PDE6B: variants seen among roughly 807,000 people sequenced by gnomAD.
The protein encoded by PDE6B is phosphodiesterase 6B, also known as rod cGMP-specific 3',5'-cyclic phosphodiesterase subunit beta.
A neutral mutation model predicts 109.0 loss-of-function variants in PDE6B; 106 were observed. That is an observed-to-expected ratio of 0.97 (90% CI 0.83 to 1.14). The LOEUF is 1.14. Ranked by LOEUF, PDE6B falls within the 50% of genes most tolerant of loss-of-function variation. PDE6B has a pLI of 0.00. For synonymous variants in PDE6B, 490 were observed against 471.3 expected (o/e 1.04, Z -0.51); for missense variants, 1,193 against 1,155.6 (o/e 1.03, Z -0.47).
At chr4:664,795 G>C in intron 17 of PDE6B, 86 bp from the exon 18 acceptor site, 2 of 1,024,248 alleles carry the variant, frequency 2.0e-6, no homozygotes, top group Non-Finnish European at 3.1e-6. Flanking sequence ...AACAGAGCAA[G>C]ACTCCATCTC....
rs1737594937 is a variant in PDE6B at position 664,819 on chromosome 4, C to T, written c.2130-62C>T. 1.0e-5 allele frequency: 13 copies of T among 1,290,050 alleles called. No homozygotes were observed. In the South Asian group the frequency reaches 1.1e-4, roughly 11 times the overall value. 79.9% of individuals were successfully genotyped at this position (1,290,050 alleles called of 1,614,324 possible). ...AGACTCCATCTCAAAAAAGAAAACA[C>T]ATATAAACCACCTGCCCTCAGGAGA... On this transcript the variant is annotated intron_variant, in intron 17 of 21. Coordinates refer to ENST00000496514, the MANE Select transcript of PDE6B (RefSeq NM_000283.4).
chr4:636,885 C>T lies in PDE6B; in HGVS notation c.711+916C>T, dbSNP rs1203121078. 6.6e-6 allele frequency among the ~76,000 whole-genome samples: 1 copy of T among 152,192 alleles called. No individual in the cohort carries two copies. Among genetic ancestry groups the T allele is most frequent in the Non-Finnish European group, 1.5e-5 (1 of 68,040 alleles). On this transcript the variant is annotated intron_variant, in intron 3 of 21. Transcript: ENST00000496514. The surrounding 1 kb of genome is among the most constrained non-coding windows in gnomAD (Gnocchi z 4.5). ...CATCCAGCCATCCAGCCAGTGGACA[C>T]CTGTGAGAAAACCCCCCGGAGGGAA... is the stretch of plus-strand genomic sequence containing the variant.
intron 21 of PDE6B, among the ~76,000 whole-genome samples, chr4:668,789 C>T (rs1738125397): frequency 1.5e-5 from 1 of 66,090 alleles, no homozygotes; most frequent in African/African-American, 8.1e-5. Flanking sequence ...CTCCCACTAC[C>T]CCACGCTATT....
In PDE6B at chr4:636,842, C is replaced by T. The variant is rs1734707892; in HGVS notation, c.711+873C>T. Among the ~76,000 whole-genome samples, 1 of 152,336 alleles carries T rather than the reference C, an allele frequency of 6.6e-6. No homozygotes were observed. The highest frequency in any genetic ancestry group is 2.4e-5 in the African/African-American group (1 of 41,586). On this transcript the variant is annotated intron_variant, in intron 3 of 21. Coordinates refer to ENST00000496514, the MANE Select transcript of PDE6B (RefSeq NM_000283.4). The surrounding 1 kb of genome is among the most constrained non-coding windows in gnomAD (Gnocchi z 4.5). ...CTGCCTCAGGGGCAGTCTGGAAAGG[C>T]GGTCAGGGCCCCTGGGGCATCCAGC... is the stretch of plus-strand genomic sequence containing the variant.
At position 662,134 on chromosome 4, in the gene PDE6B, G is replaced by C; in HGVS notation, c.1615G>C (p.Val539Leu). 2.6e-6 allele frequency: 4 copies of C among 1,524,526 alleles called. No individual in the cohort carries two copies. Among genetic ancestry groups the C allele is most frequent in the Non-Finnish European group, 2.7e-6 (3 of 1,118,948 alleles). 94.4% of individuals were successfully genotyped at this position (1,524,526 alleles called of 1,614,324 possible). Residue 539 changes from valine (V) to leucine (L), a missense_variant and splice_region_variant, in exon 13 of 22, where the codon GTC becomes CTC. Val to Leu is a conservative substitution (Grantham distance 32, BLOSUM62 1). Coordinates refer to ENST00000496514, the MANE Select transcript of PDE6B (RefSeq NM_000283.4). This position sits in a 1 kb window ranked among gnomAD's most constrained non-coding sequence, Gnocchi z 4.3. ...CCCTGTGTCCTCTCGGCTCCCCCAGGTCCTGGTGCGGTTCCTGTTCTCCAT... is the reference window on the plus strand; with the variant it reads ...CCCTGTGTCCTCTCGGCTCCCCCAGCTCCTGGTGCGGTTCCTGTTCTCCAT... ...VVRKFQIPQE[V>L]LVRFLFSISK...
chr4:641,724 G>A (rs1734955345), intron 3 of PDE6B, among the ~76,000 whole-genome samples: 1 of 152,184 alleles, frequency 6.6e-6, no homozygotes, highest in Non-Finnish European at 1.5e-5. Flanking sequence ...TCAGCTCACT[G>A]CAACCTCCAC....
At chr4:645,462 A>AT (rs1317959018) in intron 3 of PDE6B, among the ~76,000 whole-genome samples, 35 of 150,992 alleles carry the variant, frequency 2.3e-4, no homozygotes, top group Non-Finnish European at 4.4e-5. Flanking sequence ...CGCCCGGCTA[A>AT]TTTTTTGTAT....
In PDE6B at chr4:625,658, T is replaced by G; in HGVS notation, c.32T>G (p.Phe11Cys). The G allele has an allele frequency of 1.2e-6, 2 of 1,613,910 alleles. No individual in the cohort carries two copies. Among genetic ancestry groups the G allele is most frequent in the Non-Finnish European group, 1.7e-6 (2 of 1,179,936 alleles). Residue 11 changes from phenylalanine to cysteine, a missense_variant, in exon 1 of 22, where the codon TTT becomes TGT. Coordinates refer to ENST00000496514, the MANE Select transcript of PDE6B (RefSeq NM_000283.4). The surrounding 1 kb of genome is among the most constrained non-coding windows in gnomAD (Gnocchi z 5.0). The stretch of plus-strand genomic sequence containing the variant: ...CTCAGTGAGGAGCAGGCCCGGAGCT[T>G]TCTGGACCAGAACCCCGATTTTGCC... The part of the protein sequence containing the change: MSLSEEQARS[F>C]LDQNPDFARQ...
chr4:658,878 G>T, intron 10 of PDE6B, 74 bp from the exon 11 acceptor site: 2 of 1,070,598 alleles, frequency 1.9e-6, no homozygotes, highest in South Asian at 1.3e-5. Context: ...TAGCTCACAC[G>T]GGGTGGACGC....
At chr4:640,947 A>G (rs931390343) in intron 3 of PDE6B, among the ~76,000 whole-genome samples, 1 of 152,146 alleles carries the variant, frequency 6.6e-6, no homozygotes. Context: ...GTAGGTTTAG[A>G]GTAAGTCTTG....
At chr4:651,648 A>G (rs571123099) in intron 3 of PDE6B, 1 of 150,430 alleles carries the variant, frequency 6.6e-6, no homozygotes, top group East Asian at 1.9e-4. Context: ...TCCATTCAGC[A>G]GGCGCCAGGG....
chr4:627,161 T>C (rs1315307532), intron 1 of PDE6B, among the ~76,000 whole-genome samples: 3 of 151,450 alleles, frequency 2.0e-5, no homozygotes, highest in African/African-American at 7.3e-5. Context: ...TTTTTTTTTT[T>C]TTTGAGACAG....
In PDE6B at chr4:659,137, T is replaced by C. The variant is rs116168600; in HGVS notation, c.1467+120T>C. On this transcript the variant is annotated intron_variant, in intron 11 of 21. Coordinates refer to ENST00000496514, the MANE Select transcript of PDE6B (RefSeq NM_000283.4). ...CACACACGGTCATCAGGGATGTTGG[T>C]GCTGTGTGTGTATACTTGTGTATCT... 402 of 758,932 alleles carry C rather than the reference T, an allele frequency of 5.3e-4. 1 individual carries two copies. The African/African-American group carries it at 6.3e-3, about 12-fold the overall frequency. 47.0% of individuals were successfully genotyped at this position (758,932 alleles called of 1,614,324 possible).
rs1198750037 is a variant in PDE6B at position 626,471 on chromosome 4, G to A, written c.468+377G>A. Among the ~76,000 whole-genome samples, 1 of 152,222 alleles carries A rather than the reference G, an allele frequency of 6.6e-6. No individual in the cohort carries two copies. The highest frequency in any genetic ancestry group is 2.4e-5 in the African/African-American group (1 of 41,458). Reference sequence around the variant, plus strand: ...TTCCAGGAAGACTGACCAGATGGGGGCTTCAGGGCTCTCTGGGCTGGGAGG... The same window carrying A: ...TTCCAGGAAGACTGACCAGATGGGGACTTCAGGGCTCTCTGGGCTGGGAGG... On this transcript the variant is annotated intron_variant, in intron 1 of 21. Transcript: ENST00000496514. The surrounding 1 kb of genome is among the most constrained non-coding windows in gnomAD (Gnocchi z 4.6).
At chr4:651,241 G>A (rs538230381) in intron 3 of PDE6B, among the ~76,000 whole-genome samples, 1 of 148,344 alleles carries the variant, frequency 6.7e-6, no homozygotes, top group Admixed American at 6.7e-5. Flanking sequence ...GGCCGTCACA[G>A]GCGGGGCAGG....
intron 16 of PDE6B, 94 bp from the exon 17 acceptor site, chr4:664,020 C>T (rs542491653): frequency 8.7e-7 from 1 of 1,155,806 alleles, no homozygotes; most frequent in African/African-American, 1.5e-5. Context: ...CGGATGGGGC[C>T]TCGCTCGGGC....
chr4:642,845 T>C lies in PDE6B; in HGVS notation c.711+6876T>C, dbSNP rs74406082. 2.8e-3 allele frequency among the ~76,000 whole-genome samples: 429 copies of C among 152,122 alleles called. 3 individuals are homozygous for C. Among genetic ancestry groups the C allele is most frequent in the African/African-American group, 9.9e-3 (412 of 41,478 alleles). On this transcript the variant is annotated intron_variant, in intron 3 of 21. Coordinates refer to ENST00000496514, the MANE Select transcript of PDE6B (RefSeq NM_000283.4). ...GTTTGCTAAGTGTTTTTATTCAGAA[T>C]GAGTGTTGGATTTTTCAAATTTTTT...
In PDE6B at chr4:653,839, C is replaced by A. The variant is rs1383604116; in HGVS notation, c.712-13C>A. 1.2e-5 allele frequency: 19 copies of A among 1,612,988 alleles called. No individual in the cohort carries two copies. The highest frequency in any genetic ancestry group is 2.7e-5 in the African/African-American group (2 of 74,924). The stretch of plus-strand genomic sequence containing the variant: ...GAGTGGCCACAGGCCCACAGGTGTG[C>A]CCCTCCCTCCAGGTGCTGCTGTGGT... On this transcript the variant is annotated splice_polypyrimidine_tract_variant and intron_variant, in intron 3 of 21. Coordinates refer to ENST00000496514, the MANE Select transcript of PDE6B (RefSeq NM_000283.4).
chr4:640,812 G>T (rs72613107), intron 3 of PDE6B, among the ~76,000 whole-genome samples: 1 of 152,096 alleles, frequency 6.6e-6, no homozygotes, highest in Non-Finnish European at 1.5e-5. Context: ...TTTCTCCGTC[G>T]TATTGCTTTT....
Sources: allele counts gnomAD v4.1 joint callset (sites outside exome capture counted in the v4.1 genomes callset), GRCh38; gene constraint gnomAD v4.1.1; non-coding constraint Gnocchi (gnomAD v3.1); transcripts MANE v1.5; gene names NCBI Gene and HGNC (gene_info 2026-07-23, HGNC 2026-07-21).